The following HSD17B12 variants were observed in gnomAD, a reference collection of about 807,000 sequenced individuals.
HSD17B12 encodes the protein hydroxysteroid 17-beta dehydrogenase 12.
HSD17B12 carries 32 observed loss-of-function variants against 39.3 expected under a neutral mutation model. The observed-to-expected ratio is 0.81, with a 90% confidence interval of 0.61 to 1.09. The LOEUF (loss-of-function observed/expected upper bound fraction) is 1.09, where lower values mean the gene tolerates loss of function less well. Ranked by LOEUF, HSD17B12 falls within the 50% of genes least tolerant of loss-of-function variation. The probability of loss-of-function intolerance (pLI) is 0.00; values close to 1 mark genes in which losing one functional copy is unlikely to be tolerated. For missense variants in HSD17B12, 342 were observed against 382.9 expected (o/e 0.89, Z 0.89); for synonymous variants, 150 against 146.7 (o/e 1.02, Z -0.16).
Position 43,726,835 on chromosome 11 carries a change from A to G in HSD17B12, c.161-24076A>G, listed in dbSNP as rs117490099. 6.6e-3 allele frequency among the ~76,000 whole-genome samples: 1,002 copies of G among 152,328 alleles called. 8 individuals are homozygous for G. Among genetic ancestry groups the G allele is most frequent in the South Asian group, 0.035 (168 of 4,826 alleles). On this transcript the variant is annotated intron_variant, in intron 1 of 10. Transcript: ENST00000278353. ...AAGCTGCCAGCCTTGTCAAAATACA[A>G]GTATGGTCCACTGTTAAAACCTGAT...
intron 8 of HSD17B12, among the ~76,000 whole-genome samples, chr11:43,839,371 C>T (rs1338643027): frequency 1.3e-5 from 2 of 152,142 alleles, no homozygotes; most frequent in African/African-American, 4.8e-5. Flanking sequence ...TGTTCTACTC[C>T]ATGGCTACAA....
chr11:43,743,824 A>G (rs1950390317), intron 1 of HSD17B12, among the ~76,000 whole-genome samples: 1 of 152,238 alleles, frequency 6.6e-6, no homozygotes, highest in Non-Finnish European at 1.5e-5. Context: ...AGCCAAGATG[A>G]GAGTGACCAA....
Position 43,699,065 on chromosome 11 carries a change from G to T in HSD17B12, c.160+18078G>T, listed in dbSNP as rs1230878818. On this transcript the variant is annotated intron_variant, in intron 1 of 10. Transcript: ENST00000278353. ...AACTTTATTTTTAACATATACAAAA[G>T]GTATGTATGGTTAGTTACTACAGTG... Among the ~76,000 whole-genome samples the T allele has an allele frequency of 2.0e-5, 3 of 152,062 alleles. No individual in the cohort carries two copies. The East Asian group carries it at 5.8e-4, about 29-fold the overall frequency.
chr11:43,842,961 A>C (rs1052503861), intron 9 of HSD17B12, among the ~76,000 whole-genome samples: 1 of 152,114 alleles, frequency 6.6e-6, no homozygotes, highest in African/African-American at 2.4e-5. Context: ...TTTTCTCCAG[A>C]TTTTCCACCT....
chr11:43,744,559 A>T (rs1043200677), intron 1 of HSD17B12, among the ~76,000 whole-genome samples: 2 of 152,212 alleles, frequency 1.3e-5, no homozygotes, highest in Non-Finnish European at 2.9e-5. Context: ...TACACAATTT[A>T]AAAAATGTTG....
At chr11:43,835,824 T>C (rs1437341215) in intron 7 of HSD17B12, among the ~76,000 whole-genome samples, 2 of 152,174 alleles carry the variant, frequency 1.3e-5, no homozygotes, top group East Asian at 3.8e-4. Flanking sequence ...AGAAACAAAA[T>C]CTTAGTTGCC....
intron 9 of HSD17B12, chr11:43,854,243 A>T (rs1157343651): frequency 6.6e-6 from 1 of 152,656 alleles, no homozygotes; most frequent in Non-Finnish European, 1.5e-5. Context: ...GAGAAATAAG[A>T]TGTCTATTTT....
chr11:43,748,536 T>C (rs1305191223), intron 1 of HSD17B12, among the ~76,000 whole-genome samples: 1 of 152,168 alleles, frequency 6.6e-6, no homozygotes, highest in Non-Finnish European at 1.5e-5. Flanking sequence ...GTGGGATATA[T>C]ACCCACAACC....
At chr11:43,679,888 G>A (rs1045905465), upstream of HSD17B12, among the ~76,000 whole-genome samples, 18 of 152,216 alleles carry the variant, frequency 1.2e-4, no homozygotes, top group Non-Finnish European at 2.5e-4. Context: ...CCGGGCGAAT[G>A]CCTGCAGCGA....
the HSD17B12 span, among the ~76,000 whole-genome samples, chr11:43,655,405 C>T: frequency 1.3e-5 from 2 of 152,182 alleles, no homozygotes; most frequent in Non-Finnish European, 2.9e-5. Context: ...ATTTCCTTCT[C>T]CTGCCTGATT....
intron 2 of HSD17B12, 88 bp downstream of exon 2, chr11:43,751,045 T>TA: frequency 1.2e-6 from 1 of 858,854 alleles, no homozygotes; most frequent in Non-Finnish European, 1.8e-6. Flanking sequence ...ATTTTTGAAG[T>TA]AAAAAACACA....
chr11:43,649,763 G>A, the HSD17B12 span, among the ~76,000 whole-genome samples: 4 of 152,188 alleles, frequency 2.6e-5, no homozygotes, highest in Non-Finnish European at 5.9e-5. Flanking sequence ...TGGTAGAAGC[G>A]AAGTTCCAGT....
At chr11:43,784,374 C>T (rs1405275509) in intron 3 of HSD17B12, among the ~76,000 whole-genome samples, 1 of 148,762 alleles carries the variant, frequency 6.7e-6, no homozygotes, top group Non-Finnish European at 1.5e-5. Flanking sequence ...GATGGTGACA[C>T]CAGGCCATCT....
At position 43,838,300 on chromosome 11, in the gene HSD17B12, T is replaced by A; in HGVS notation, c.537-17T>A. On this transcript the variant is annotated splice_polypyrimidine_tract_variant and intron_variant, in intron 7 of 10. Transcript: ENST00000278353. ...CTGTGGCTTCACTCCTTTTACACGG[T>A]ACATTTTCCTTTTTAGATCCAAAGG... 1 of 1,585,262 alleles carries A rather than the reference T, an allele frequency of 6.3e-7. No individual in the cohort carries two copies. The highest frequency in any genetic ancestry group is 8.7e-7 in the Non-Finnish European group (1 of 1,154,060).
intron 1 of HSD17B12, among the ~76,000 whole-genome samples, chr11:43,739,214 G>A (rs768055494): frequency 1.3e-5 from 2 of 152,178 alleles, no homozygotes; most frequent in Non-Finnish European, 2.9e-5. Context: ...CAACTGGCAT[G>A]ATCAGCTTTC....
the HSD17B12 span, among the ~76,000 whole-genome samples, chr11:43,664,776 G>T: frequency 6.6e-6 from 1 of 152,204 alleles, no homozygotes; most frequent in East Asian, 1.9e-4. Flanking sequence ...ATTTCTTGTT[G>T]TTTCTCCATA....
At chr11:43,767,742 A>G (rs1416167286) in intron 3 of HSD17B12, among the ~76,000 whole-genome samples, 3 of 152,234 alleles carry the variant, frequency 2.0e-5, no homozygotes, top group Non-Finnish European at 4.4e-5. Flanking sequence ...ATTAAAAGCC[A>G]ATAGAATTAA....
At chr11:43,765,485 T>G (rs1456706510) in intron 3 of HSD17B12, among the ~76,000 whole-genome samples, 2 of 152,002 alleles carry the variant, frequency 1.3e-5, no homozygotes, top group Non-Finnish European at 2.9e-5. Context: ...TTTTTTTTTT[T>G]TTAATTATTA....
chr11:43,711,314 ATATT>A (rs149182813), intron 1 of HSD17B12, among the ~76,000 whole-genome samples: 4,007 of 152,222 alleles, frequency 0.026, 78 homozygotes, highest in Non-Finnish European at 0.038. Flanking sequence ...GTTTGCACAG[ATATT>A]TATTTTATCT....
Sources: gnomAD v4.1 joint callset for allele counts (sites outside exome capture counted in the v4.1 genomes callset) on GRCh38, gnomAD v4.1.1 for gene constraint, MANE v1.5 for transcripts, NCBI Gene and HGNC (gene_info 2026-07-23, HGNC 2026-07-21) for gene names.